The following CALD1 variants were observed in gnomAD, a reference collection of about 807,000 sequenced individuals.
CALD1 encodes caldesmon 1, also known as caldesmon.
CALD1 carries 33 observed loss-of-function variants against 99.9 expected under a neutral mutation model. The ratio of observed to expected loss-of-function variants is 0.33; its 90% CI spans 0.25 to 0.44. The LOEUF (loss-of-function observed/expected upper bound fraction) is 0.44, where lower values mean the gene tolerates loss of function less well. Among genes scored for constraint, CALD1 ranks in the 20% least tolerant of loss-of-function variants. The pLI, the probability that CALD1 is intolerant of heterozygous loss-of-function variation, is 1.00. For synonymous variants in CALD1, 310 were observed against 325.0 expected (o/e 0.95, Z 0.50); for missense variants, 861 against 962.1 (o/e 0.89, Z 1.39).
chr7:134,913,519 CACT>C (rs1330889096), intron 3 of CALD1, among the ~76,000 whole-genome samples: 4 of 152,120 alleles, frequency 2.6e-5, no homozygotes, highest in African/African-American at 9.7e-5. Flanking sequence ...ATTTAAATAA[CACT>C]ACATGTAATT....
chr7:134,923,354 A>T (rs1005465390), intron 3 of CALD1, among the ~76,000 whole-genome samples: 3 of 152,212 alleles, frequency 2.0e-5, no homozygotes, highest in East Asian at 3.8e-4. Flanking sequence ...CAGTTTTTTT[A>T]AAAAATAGAT....
At chr7:134,931,634 C>T (rs1805527819) in intron 4 of CALD1, among the ~76,000 whole-genome samples, 4 of 152,150 alleles carry the variant, frequency 2.6e-5, no homozygotes, top group Non-Finnish European at 5.9e-5. Context: ...CAAATTCTTC[C>T]AACTCTGGTC....
At chr7:134,780,325 C>G (rs1190035453) in intron 1 of CALD1, among the ~76,000 whole-genome samples, 1 of 152,178 alleles carries the variant, frequency 6.6e-6, no homozygotes, top group Non-Finnish European at 1.5e-5. Context: ...GCACCTAGCA[C>G]TGGTTGGGTT....
the CALD1 span, among the ~76,000 whole-genome samples, chr7:134,739,145 G>T: frequency 6.6e-6 from 1 of 152,126 alleles, no homozygotes; most frequent in African/African-American, 2.4e-5. Context: ...AATGGTTTTT[G>T]GAGCTTGTCT....
At chr7:134,879,860 C>T (rs1015540556) in intron 3 of CALD1, among the ~76,000 whole-genome samples, 14 of 152,266 alleles carry the variant, frequency 9.2e-5, no homozygotes, top group Non-Finnish European at 1.5e-4. Flanking sequence ...GGCTTATTTT[C>T]CATTTTAATA....
At chr7:134,894,939 T>C (rs1273457875) in intron 3 of CALD1, among the ~76,000 whole-genome samples, 1 of 152,120 alleles carries the variant, frequency 6.6e-6, no homozygotes, top group Admixed American at 6.5e-5. Context: ...TTATATATCT[T>C]GCAGCTGAAA....
At chr7:134,859,105 T>G (rs1251698627) in intron 2 of CALD1, among the ~76,000 whole-genome samples, 1 of 152,202 alleles carries the variant, frequency 6.6e-6, no homozygotes, top group Non-Finnish European at 1.5e-5. Flanking sequence ...AAAAAATATA[T>G]TTTCGCCATA....
intron 3 of CALD1, among the ~76,000 whole-genome samples, chr7:134,906,036 T>A (rs773857645): frequency 6.6e-6 from 1 of 151,346 alleles, no homozygotes; most frequent in Non-Finnish European, 1.5e-5. Context: ...TTCAAGTGAT[T>A]CTCCTGCCTC....
In CALD1 at chr7:134,765,009, T is replaced by C. The variant is rs1390276770; in HGVS notation, c.-130+20646T>C. On this transcript the variant is annotated intron_variant, in intron 1 of 13. Transcript: ENST00000417172. ...TATTGAAGGTGTCTGAGTAAGTGCA[T>C]TAATTTGCAATGAAAACAAAGTTCA... 2.6e-5 allele frequency among the ~76,000 whole-genome samples: 4 copies of C among 152,154 alleles called. No homozygotes were observed. The East Asian group carries it at 7.7e-4, about 29-fold the overall frequency.
At position 134,968,398 on chromosome 7, in the gene CALD1, A is replaced by G; in HGVS notation, c.*53A>G. 2 of 1,551,498 alleles carry G rather than the reference A, an allele frequency of 1.3e-6. No homozygotes were observed. The highest frequency in any genetic ancestry group is 1.8e-6 in the Non-Finnish European group (2 of 1,123,044). On this transcript the variant is annotated 3_prime_UTR_variant, in exon 15 of 15. Transcript: ENST00000361675. ...AGACGCAGGACGAGCTCAGTTGTAG[A>G]GGGCTAATTCGCTCTGTTTTGTATT...
intron 3 of CALD1, among the ~76,000 whole-genome samples, chr7:134,927,748 C>T (rs1805145647): frequency 6.6e-6 from 1 of 150,976 alleles, no homozygotes; most frequent in Non-Finnish European, 1.5e-5. Context: ...AGGGAGCTGC[C>T]ACCCCTTCAA....
At chr7:134,945,399 C>A (rs1329582461) in intron 7 of CALD1, among the ~76,000 whole-genome samples, 1 of 152,126 alleles carries the variant, frequency 6.6e-6, no homozygotes, top group East Asian at 1.9e-4. Flanking sequence ...TGTTCTATTT[C>A]AGTTTATTCA....
intron 1 of CALD1, among the ~76,000 whole-genome samples, chr7:134,792,286 C>CTTTTTTT (rs1228341394): frequency 1.6e-5 from 2 of 122,784 alleles, no homozygotes; most frequent in African/African-American, 3.2e-5. Flanking sequence ...ATTTCCTCTT[C>CTTTTTTT]TTTTTTTTTT....
At chr7:134,890,555 C>T (rs1205736138) in intron 3 of CALD1, among the ~76,000 whole-genome samples, 2 of 152,198 alleles carry the variant, frequency 1.3e-5, no homozygotes, top group Non-Finnish European at 1.5e-5. Context: ...GCCAGTCCCA[C>T]GAGCAGCTTG....
At chr7:134,928,471 C>CCAAAGGCA (rs1805229085) in intron 3 of CALD1, among the ~76,000 whole-genome samples, 1 of 149,082 alleles carries the variant, frequency 6.7e-6, no homozygotes, top group Admixed American at 6.7e-5. Flanking sequence ...CCCACAGTTT[C>CCAAAGGCA]CAAAGGCAAC....
the CALD1 span, among the ~76,000 whole-genome samples, chr7:134,711,628 TTCTCTCTCTC>T: frequency 2.2e-4 from 14 of 64,046 alleles, no homozygotes; most frequent in South Asian, 6.2e-4. Flanking sequence ...CAACCTCAGC[TTCTCTCTCTC>T]TCTCTCTCTC....
At chr7:134,751,251 G>A (rs1796683369) in intron 1 of CALD1, among the ~76,000 whole-genome samples, 1 of 152,146 alleles carries the variant, frequency 6.6e-6, no homozygotes, top group Non-Finnish European at 1.5e-5. Context: ...AAGATGAAAA[G>A]AGATATACAG....
intron 3 of CALD1, among the ~76,000 whole-genome samples, chr7:134,910,917 T>C (rs902137289): frequency 6.6e-6 from 1 of 152,188 alleles, no homozygotes; most frequent in Non-Finnish European, 1.5e-5. Context: ...AAGAAATGCA[T>C]TAAAACATTT....
intron 1 of CALD1, among the ~76,000 whole-genome samples, chr7:134,806,976 T>C (rs999483481): frequency 6.6e-6 from 1 of 152,204 alleles, no homozygotes; most frequent in African/African-American, 2.4e-5. Context: ...ATTTATTCAT[T>C]CAGATTGCAT....
Sources: allele counts gnomAD v4.1 joint callset (sites outside exome capture counted in the v4.1 genomes callset), GRCh38; gene constraint gnomAD v4.1.1; transcripts MANE v1.5; gene names NCBI Gene and HGNC (gene_info 2026-07-23, HGNC 2026-07-21).